RNGTT: variants seen among roughly 807,000 people sequenced by gnomAD.
The protein encoded by RNGTT is RNA guanylyltransferase and 5'-phosphatase.
A neutral mutation model predicts 79.3 loss-of-function variants in RNGTT; 33 were observed. The ratio of observed to expected loss-of-function variants is 0.42; its 90% confidence interval spans 0.32 to 0.56. RNGTT has a LOEUF of 0.56. RNGTT is among the 20% of genes least tolerant of loss of function. RNGTT has a pLI of 0.17. For missense variants in RNGTT, 497 were observed against 739.1 expected (o/e 0.67, Z 3.80); for synonymous variants, 222 against 235.9 (o/e 0.94, Z 0.54).
intron 11 of RNGTT, among the ~76,000 whole-genome samples, chr6:88,826,081 C>A (rs1780646903): frequency 1.3e-5 from 2 of 152,174 alleles, no homozygotes; most frequent in African/African-American, 2.4e-5. Flanking sequence ...CTGAAAACAG[C>A]ACTTATCTTA....
intron 13 of RNGTT, among the ~76,000 whole-genome samples, chr6:88,715,597 A>G (rs995942640): frequency 1.3e-5 from 2 of 152,164 alleles, no homozygotes; most frequent in Admixed American, 1.3e-4. Context: ...AAAACAGCAT[A>G]GTACTGGTAC....
intron 4 of RNGTT, among the ~76,000 whole-genome samples, chr6:88,907,521 C>A (rs1783694724): frequency 6.6e-6 from 1 of 152,094 alleles, no homozygotes; most frequent in South Asian, 2.1e-4. Context: ...CTGAGGCCTC[C>A]CCAGGCATGC....
At chr6:88,678,174 T>C in intron 14 of RNGTT, 179 bp downstream of exon 14, 4 of 1,234,954 alleles carry the variant, frequency 3.2e-6, no homozygotes, top group Non-Finnish European at 3.1e-6. Context: ...TTTTTCTTTT[T>C]GTAGAGACAG....
chr6:88,791,752 G>C (rs953087686), intron 12 of RNGTT, among the ~76,000 whole-genome samples: 5 of 151,902 alleles, frequency 3.3e-5, no homozygotes, highest in African/African-American at 9.7e-5. Flanking sequence ...CGTTAGCCAG[G>C]ATGGTCTCGA....
chr6:88,675,845 A>G (rs925030568), intron 14 of RNGTT, among the ~76,000 whole-genome samples: 4 of 152,228 alleles, frequency 2.6e-5, no homozygotes, highest in Admixed American at 2.6e-4. Flanking sequence ...AAAATACAAA[A>G]TAGATAAATT....
intron 13 of RNGTT, among the ~76,000 whole-genome samples, chr6:88,753,525 A>G (rs981677321): frequency 2.6e-5 from 4 of 151,996 alleles, no homozygotes; most frequent in African/African-American, 9.7e-5. Context: ...AAAATTATAT[A>G]AAACTACTTG....
intron 4 of RNGTT, among the ~76,000 whole-genome samples, chr6:88,919,373 A>G (rs1784093494): frequency 6.6e-6 from 1 of 152,250 alleles, no homozygotes; most frequent in African/African-American, 2.4e-5. Context: ...AACTAGGGAA[A>G]GAAACTCCCC....
At position 88,624,538 on chromosome 6, in the gene RNGTT, C is replaced by T. The variant is rs559827411; in HGVS notation, c.1507-10143G>A. On this transcript the variant is annotated intron_variant, in intron 14 of 15. Coordinates refer to ENST00000369485, the MANE Select transcript of RNGTT (RefSeq NM_003800.5). ...AAATTGGATATTCATACATAAAATA[C>T]GCATCTCAATCTACATCATTCACAT... 5.9e-5 allele frequency among the ~76,000 whole-genome samples: 9 copies of T among 151,884 alleles called. No homozygotes were observed. In the East Asian group the frequency reaches 1.4e-3, roughly 23 times the overall value.
At chr6:88,921,506 T>C (rs1784164039) in intron 4 of RNGTT, among the ~76,000 whole-genome samples, 1 of 152,172 alleles carries the variant, frequency 6.6e-6, no homozygotes, top group Non-Finnish European at 1.5e-5. Context: ...TAGCAGTAAC[T>C]ACAGCTTCAT....
intron 13 of RNGTT, among the ~76,000 whole-genome samples, chr6:88,733,818 AG>A (rs1457644014): frequency 6.6e-6 from 1 of 151,830 alleles, no homozygotes; most frequent in African/African-American, 2.4e-5. Flanking sequence ...AAGTGTTGAA[AG>A]GAAAAAAAAA....
intron 11 of RNGTT, among the ~76,000 whole-genome samples, chr6:88,805,907 A>G (rs73498413): frequency 0.026 from 3,922 of 152,312 alleles, 178 homozygotes; most frequent in African/African-American, 0.088. Context: ...TACAATAAAT[A>G]CAAGTAACAG....
chr6:88,928,229 TA>T (rs887712335), intron 4 of RNGTT, among the ~76,000 whole-genome samples: 3 of 150,890 alleles, frequency 2.0e-5, no homozygotes, highest in Admixed American at 6.6e-5. Flanking sequence ...AATTTTTCAT[TA>T]AAAAAAAATT....
intron 11 of RNGTT, among the ~76,000 whole-genome samples, chr6:88,829,620 T>A (rs1780784871): frequency 6.7e-6 from 1 of 149,080 alleles, no homozygotes; most frequent in Non-Finnish European, 1.5e-5. Context: ...TGTGCTGTAT[T>A]CAGGAGACCC....
At chr6:88,925,839 T>C (rs1051614603) in intron 4 of RNGTT, among the ~76,000 whole-genome samples, 1 of 152,040 alleles carries the variant, frequency 6.6e-6, no homozygotes, top group African/African-American at 2.4e-5. Flanking sequence ...TGCCTATAAA[T>C]AGACACTGCA....
chr6:88,626,829 T>C (rs1772652229), intron 14 of RNGTT, among the ~76,000 whole-genome samples: 1 of 151,992 alleles, frequency 6.6e-6, no homozygotes, highest in African/African-American at 2.4e-5. Flanking sequence ...AAATAAGAAG[T>C]CACATGGACA....
intron 11 of RNGTT, among the ~76,000 whole-genome samples, chr6:88,836,622 G>A (rs959754567): frequency 6.6e-6 from 1 of 151,976 alleles, no homozygotes; most frequent in East Asian, 1.9e-4. Context: ...CGTGCTTATA[G>A]TCCCAGCTAC....
chr6:88,778,672 A>C (rs991173758), intron 12 of RNGTT, among the ~76,000 whole-genome samples: 1 of 152,118 alleles, frequency 6.6e-6, no homozygotes, highest in African/African-American at 2.4e-5. Context: ...GATTTTTATA[A>C]ATTATTTAAA....
At chr6:88,863,767 A>C (rs541123079) in intron 8 of RNGTT, among the ~76,000 whole-genome samples, 1 of 152,250 alleles carries the variant, frequency 6.6e-6, no homozygotes, top group South Asian at 2.1e-4. Context: ...AATTTTTTCC[A>C]AACTACTCAA....
At chr6:88,704,272 A>ACAAAC (rs1338157761) in intron 13 of RNGTT, among the ~76,000 whole-genome samples, 5 of 149,802 alleles carry the variant, frequency 3.3e-5, no homozygotes, top group African/African-American at 1.2e-4. Context: ...AAAAAAAAAA[A>ACAAAC]AAAAAAAAAA....
Sources: gnomAD v4.1 joint callset for allele counts (sites outside exome capture counted in the v4.1 genomes callset) on GRCh38, gnomAD v4.1.1 for gene constraint, MANE v1.5 for transcripts, NCBI Gene and HGNC (gene_info 2026-07-23, HGNC 2026-07-21) for gene names.